The following ENTREP2 variants were observed in gnomAD, a reference collection of about 807,000 sequenced individuals.
The protein encoded by ENTREP2 is protein ENTREP2.
the ENTREP2 span, chr15:29,376,536 T>C: frequency 6.9e-6 from 1 of 145,654 alleles, no homozygotes; most frequent in Middle Eastern, 3.5e-3. Flanking sequence ...AAGGCACTTA[T>C]AAAACACTAT....
the ENTREP2 span, among the ~76,000 whole-genome samples, chr15:29,220,323 T>G: frequency 3.4e-4 from 52 of 152,272 alleles, no homozygotes; most frequent in Non-Finnish European, 4.8e-4. Flanking sequence ...AGGTCTGTTA[T>G]GATTCTGTCC....
the ENTREP2 span, among the ~76,000 whole-genome samples, chr15:29,585,688 C>T: frequency 6.6e-6 from 1 of 151,782 alleles, no homozygotes. Context: ...AACCCCGTCT[C>T]TACTAAAAAT....
At chr15:29,326,957 G>C in the ENTREP2 span, among the ~76,000 whole-genome samples, 1 of 151,790 alleles carries the variant, frequency 6.6e-6, no homozygotes, top group African/African-American at 2.4e-5. Context: ...TCATTCAATG[G>C]AAAAAAGAGA....
chr15:29,275,748 A>G, the ENTREP2 span, among the ~76,000 whole-genome samples: 2 of 152,204 alleles, frequency 1.3e-5, no homozygotes, highest in Non-Finnish European at 2.9e-5. Flanking sequence ...CTCTTCATTC[A>G]TGGTATTTCT....
the ENTREP2 span, among the ~76,000 whole-genome samples, chr15:29,589,928 T>C: frequency 9.9e-5 from 15 of 152,274 alleles, no homozygotes; most frequent in Admixed American, 9.2e-4. Flanking sequence ...AAAAGCAACT[T>C]GTGAACTTTG....
chr15:29,316,828 C>A, the ENTREP2 span, among the ~76,000 whole-genome samples: 2 of 152,126 alleles, frequency 1.3e-5, no homozygotes, highest in Non-Finnish European at 2.9e-5. Flanking sequence ...AACCTGAATT[C>A]CTTCCTTTTA....
the ENTREP2 span, among the ~76,000 whole-genome samples, chr15:29,317,327 T>C: frequency 6.6e-6 from 1 of 152,234 alleles, no homozygotes; most frequent in African/African-American, 2.4e-5. Context: ...TTCTGCCTAC[T>C]GTTTCATAAA....
the ENTREP2 span, among the ~76,000 whole-genome samples, chr15:29,431,266 G>A: frequency 2.6e-5 from 4 of 152,084 alleles, no homozygotes; most frequent in Non-Finnish European, 4.4e-5. Context: ...GCGATGCCAC[G>A]CTGGCCCCTG....
the ENTREP2 span, chr15:29,234,073 T>C: frequency 1.3e-6 from 2 of 1,487,478 alleles, no homozygotes; most frequent in African/African-American, 2.8e-5. Context: ...CCTCACTTGC[T>C]TCTTCGAACC....
the ENTREP2 span, among the ~76,000 whole-genome samples, chr15:29,595,011 T>C: frequency 1.6e-5 from 2 of 128,684 alleles, no homozygotes; most frequent in African/African-American, 6.1e-5. Context: ...GAGCTTGGAG[T>C]GAGCCGAGAT....
the ENTREP2 span, among the ~76,000 whole-genome samples, chr15:29,321,124 T>C: frequency 0.51 from 78,013 of 151,924 alleles, 22,819 homozygotes; most frequent in African/African-American, 0.82. Context: ...AGGATAACTA[T>C]CAAAAACTCT....
the ENTREP2 span, among the ~76,000 whole-genome samples, chr15:29,444,988 C>T: frequency 6.6e-6 from 1 of 152,168 alleles, no homozygotes; most frequent in Non-Finnish European, 1.5e-5. Context: ...AACAGGGCTG[C>T]CAGCCCAATA....
At chr15:29,223,835 G>C in the ENTREP2 span, among the ~76,000 whole-genome samples, 1 of 152,184 alleles carries the variant, frequency 6.6e-6, no homozygotes, top group South Asian at 2.1e-4. Context: ...TATCCCAGCA[G>C]ACGAAAAGCA....
chr15:29,581,315 C>G, the ENTREP2 span, among the ~76,000 whole-genome samples: 1 of 151,972 alleles, frequency 6.6e-6, no homozygotes, highest in Non-Finnish European at 1.5e-5. Context: ...TGAAAAAAGG[C>G]AATAAGAAAT....
chr15:29,137,295 C>T, the ENTREP2 span: 1 of 1,093,648 alleles, frequency 9.1e-7, no homozygotes, highest in Non-Finnish European at 1.3e-6. Flanking sequence ...GTTTGGAATG[C>T]CTGTAATTTC....
At chr15:29,269,832 G>A in the ENTREP2 span, 1 of 923,772 alleles carries the variant, frequency 1.1e-6, no homozygotes, top group Non-Finnish European at 1.5e-6. Flanking sequence ...TGCGTGCTGC[G>A]TCATGAAGCC....
At chr15:29,312,716 T>C in the ENTREP2 span, among the ~76,000 whole-genome samples, 1 of 152,178 alleles carries the variant, frequency 6.6e-6, no homozygotes, top group African/African-American at 2.4e-5. Flanking sequence ...CTTCATAGGC[T>C]GGCCGTTCCC....
At chr15:29,568,529 C>CT in the ENTREP2 span, among the ~76,000 whole-genome samples, 1 of 148,588 alleles carries the variant, frequency 6.7e-6, no homozygotes, top group Non-Finnish European at 1.5e-5. Context: ...GAGACCCCAT[C>CT]TCTTAAAAAA....
chr15:29,310,330 C>T, the ENTREP2 span, among the ~76,000 whole-genome samples: 660 of 152,242 alleles, frequency 4.3e-3, 4 homozygotes, highest in African/African-American at 0.015. Context: ...GAAGCTCCTA[C>T]GCAGCAACTC....
Sources: allele counts gnomAD v4.1 joint callset (sites outside exome capture counted in the v4.1 genomes callset), GRCh38; gene constraint gnomAD v4.1.1; transcripts MANE v1.5; gene names NCBI Gene and HGNC (gene_info 2026-07-23, HGNC 2026-07-21).